The following TBC1D22A variants were observed in gnomAD, a reference collection of about 807,000 sequenced individuals.
TBC1D22A encodes TBC1 domain family member 22A, also known as putative GTPase activator.
TBC1D22A carries 38 observed loss-of-function variants against 60.2 expected under a neutral mutation model. The ratio of observed to expected loss-of-function variants is 0.63; its 90% CI spans 0.49 to 0.83. The LOEUF (loss-of-function observed/expected upper bound fraction) is 0.83. Among genes scored for constraint, TBC1D22A ranks in the 40% least tolerant of loss-of-function variants. The pLI, the probability that TBC1D22A is intolerant of heterozygous loss-of-function variation, is 0.00. For synonymous variants in TBC1D22A, 302 were observed against 281.7 expected, an observed-to-expected ratio of 1.07 and a Z score of -0.72; for missense variants, 628 against 701.0, an observed-to-expected ratio of 0.90 and a Z score of 1.18.
intron 4 of TBC1D22A, among the ~76,000 whole-genome samples, chr22:46,826,923 C>T (rs907850522): frequency 6.6e-6 from 1 of 151,792 alleles, no homozygotes; most frequent in Non-Finnish European, 1.5e-5. Flanking sequence ...TACACGAAAA[C>T]GTAAATCTGG....
chr22:46,917,561 G>A (rs115287062), intron 8 of TBC1D22A, among the ~76,000 whole-genome samples: 3,145 of 152,282 alleles, frequency 0.021, 121 homozygotes, highest in African/African-American at 0.072. Context: ...TAGAAAGAGC[G>A]GGTTGAGGAG....
At chr22:46,833,999 T>C (rs964555117) in intron 4 of TBC1D22A, among the ~76,000 whole-genome samples, 3 of 152,236 alleles carry the variant, frequency 2.0e-5, no homozygotes, top group African/African-American at 7.2e-5. Flanking sequence ...TTTTTCTTTT[T>C]TTCTAGAATT....
chr22:47,152,570 G>C (rs532409288), intron 12 of TBC1D22A, among the ~76,000 whole-genome samples: 3 of 152,216 alleles, frequency 2.0e-5, no homozygotes, highest in Non-Finnish European at 2.9e-5. Context: ...CGAGGCTGTC[G>C]CAGTTGCGCT....
intron 8 of TBC1D22A, among the ~76,000 whole-genome samples, chr22:46,956,842 C>T (rs970522167): frequency 1.3e-5 from 2 of 152,236 alleles, no homozygotes; most frequent in African/African-American, 2.4e-5. Flanking sequence ...TAAACCAGCA[C>T]AGACTGTTGA....
At chr22:46,838,352 G>A (rs925329055) in intron 4 of TBC1D22A, among the ~76,000 whole-genome samples, 49 of 152,178 alleles carry the variant, frequency 3.2e-4, no homozygotes, top group African/African-American at 1.2e-3. Context: ...CATACCAAAA[G>A]TGAATTATGA....
intron 4 of TBC1D22A, among the ~76,000 whole-genome samples, chr22:46,861,579 C>T (rs1409643355): frequency 6.6e-6 from 1 of 152,232 alleles, no homozygotes; most frequent in Non-Finnish European, 1.5e-5. Flanking sequence ...ATTGCATCCT[C>T]AGATTCTGTC....
chr22:46,895,412 C>T (rs1016377431), intron 7 of TBC1D22A, among the ~76,000 whole-genome samples: 8 of 152,078 alleles, frequency 5.3e-5, no homozygotes, highest in Non-Finnish European at 8.8e-5. Context: ...CTTGCTCTGT[C>T]GCCCAGGCTG....
chr22:46,930,612 C>A lies in TBC1D22A; in HGVS notation c.1015+18424C>A, dbSNP rs930464365. The stretch of plus-strand genomic sequence containing the variant: ...CTGGGACTACGGGCGCCCACCACCA[C>A]GCCTGGCTAATTTTTTTTTTTTTTG... On this transcript the variant is annotated intron_variant, in intron 8 of 12. Coordinates refer to ENST00000337137, the MANE Select transcript of TBC1D22A (RefSeq NM_014346.5). Among the ~76,000 whole-genome samples, 14 of 131,902 alleles carry A rather than the reference C, an allele frequency of 1.1e-4. No individual in the cohort carries two copies. The Admixed American group carries it at 1.1e-3, about 11-fold the overall frequency. 86.5% of individuals were successfully genotyped at this position (131,902 alleles called of 152,430 possible).
chr22:47,053,680 C>T (rs578211057), intron 11 of TBC1D22A, among the ~76,000 whole-genome samples: 1 of 152,372 alleles, frequency 6.6e-6, no homozygotes, highest in Admixed American at 6.5e-5. Context: ...TTGTCGGGCT[C>T]ATCTTTGGCT....
intron 4 of TBC1D22A, among the ~76,000 whole-genome samples, chr22:46,832,573 A>G (rs1471817147): frequency 1.3e-5 from 2 of 152,096 alleles, no homozygotes; most frequent in Non-Finnish European, 2.9e-5. Flanking sequence ...TTGAAACAGA[A>G]AGGCAGAGGT....
intron 4 of TBC1D22A, among the ~76,000 whole-genome samples, chr22:46,851,076 G>T (rs1409846750): frequency 6.6e-6 from 1 of 152,170 alleles, no homozygotes; most frequent in Admixed American, 6.5e-5. Flanking sequence ...GGTGGTAAGG[G>T]TCGCACAGGT....
intron 4 of TBC1D22A, among the ~76,000 whole-genome samples, chr22:46,806,155 A>G (rs2085125500): frequency 6.6e-6 from 1 of 151,524 alleles, no homozygotes. Context: ...CCGGCCTCCA[A>G]CCCTCTTATC....
At position 46,800,453 on chromosome 22, in the gene TBC1D22A, C is replaced by A. The variant is rs138054424; in HGVS notation, c.637+2833C>A. 1.3e-3 allele frequency among the ~76,000 whole-genome samples: 203 copies of A among 152,240 alleles called. 1 individual carries two copies. Among genetic ancestry groups the A allele is most frequent in the African/African-American group, 4.7e-3 (195 of 41,530 alleles). ...CTAGCATGCCAGTGCCCCTTCTCTG[C>A]TGGCTCTCCTGCCTCCAGGGTGGTG... is the stretch of plus-strand genomic sequence containing the variant. On this transcript the variant is annotated intron_variant, in intron 4 of 12. Coordinates refer to ENST00000337137, the MANE Select transcript of TBC1D22A (RefSeq NM_014346.5).
intron 3 of TBC1D22A, among the ~76,000 whole-genome samples, chr22:46,794,160 G>A (rs2084548952): frequency 2.6e-5 from 4 of 152,222 alleles, no homozygotes; most frequent in Admixed American, 2.6e-4. Context: ...CCGTGAGAGG[G>A]CCACGGGGGA....
intron 12 of TBC1D22A, among the ~76,000 whole-genome samples, chr22:47,161,113 C>T (rs970952978): frequency 4.6e-5 from 7 of 152,228 alleles, no homozygotes; most frequent in African/African-American, 1.4e-4. Flanking sequence ...AGGTGTACCT[C>T]CCTGCTGGGG....
At position 47,047,471 on chromosome 22, in the gene TBC1D22A, C is replaced by CA. The variant is rs564853449; in HGVS notation, c.1329+10276dup. 3.9e-4 allele frequency among the ~76,000 whole-genome samples: 60 copies of CA among 152,316 alleles called. No individual in the cohort carries two copies. The South Asian group carries it at 9.8e-3, about 25-fold the overall frequency. ...GGAGAAGTTCTTGCCTTCAAGGCAC[C>CA]AAACCTTCAGCACAGCTGGTTGCTG... On this transcript the variant is annotated intron_variant, in intron 11 of 12. Coordinates refer to ENST00000337137, the MANE Select transcript of TBC1D22A (RefSeq NM_014346.5).
chr22:47,008,531 A>T, intron 10 of TBC1D22A, among the ~76,000 whole-genome samples: 1 of 152,298 alleles, frequency 6.6e-6, no homozygotes, highest in Admixed American at 6.5e-5. Context: ...GTGGAGGCTG[A>T]TTTGTAAGGC....
chr22:46,857,207 G>T (rs2087613724), intron 4 of TBC1D22A, among the ~76,000 whole-genome samples: 1 of 152,206 alleles, frequency 6.6e-6, no homozygotes, highest in African/African-American at 2.4e-5. Flanking sequence ...CCTTTGTGTG[G>T]ATTTCTTGTT....
At chr22:46,826,945 G>A (rs955155916) in intron 4 of TBC1D22A, among the ~76,000 whole-genome samples, 7 of 144,284 alleles carry the variant, frequency 4.9e-5, no homozygotes, top group Non-Finnish European at 1.1e-4. Flanking sequence ...TTTAGTTTCC[G>A]TTTTTTTTTT....
Sources: gnomAD v4.1 joint callset for allele counts (sites outside exome capture counted in the v4.1 genomes callset) on GRCh38, gnomAD v4.1.1 for gene constraint, MANE v1.5 for transcripts, NCBI Gene and HGNC (gene_info 2026-07-23, HGNC 2026-07-21) for gene names.